Variants in GLRX5 observed in about 807,000 individuals in gnomAD.
GLRX5 encodes glutaredoxin 5, also known as glutaredoxin-related protein 5, mitochondrial.
GLRX5 carries 10 observed loss-of-function variants against 13.8 expected under a neutral mutation model. That is an observed-to-expected ratio of 0.72 (90% CI 0.45 to 1.23). GLRX5 has a LOEUF of 1.23. Ranked by LOEUF, GLRX5 falls within the 50% of genes most tolerant of loss-of-function variation. The probability of loss-of-function intolerance (pLI) is 0.00; values close to 1 mark genes in which losing one functional copy is unlikely to be tolerated. For synonymous variants in GLRX5, 98 were observed against 101.1 expected, an observed-to-expected ratio of 0.97 and a Z score of 0.18; for missense variants, 233 against 215.2, an observed-to-expected ratio of 1.08 and a Z score of -0.52.
chr14:95,535,869 G>GT (rs965645668), intron 1 of GLRX5, among the ~76,000 whole-genome samples: 2 of 152,140 alleles, frequency 1.3e-5, no homozygotes, highest in Admixed American at 1.3e-4. Flanking sequence ...GAGGGCTGAG[G>GT]TTGCCCTTGA....
chr14:95,535,471 T>C, intron 1 of GLRX5, 87 bp downstream of exon 1: 3 of 1,322,314 alleles, frequency 2.3e-6, no homozygotes, highest in Non-Finnish European at 3.1e-6. Context: ...CGCGCCGGGC[T>C]GGGGAGCGGG....
chr14:95,535,528 G>T (rs1007113028), intron 1 of GLRX5, 144 bp downstream of exon 1: 6 of 744,818 alleles, frequency 8.1e-6, no homozygotes, highest in African/African-American at 5.2e-5. Flanking sequence ...GGGTTAGGGC[G>T]AGGAGTACTG....
chr14:95,543,889 G>A (rs1027668492), intron 1 of GLRX5, 58 bp from the exon 2 acceptor site: 55 of 1,451,432 alleles, frequency 3.8e-5, no homozygotes, highest in Non-Finnish European at 5.0e-5. Context: ...TACATATTTA[G>A]TCATGAATGG....
At chr14:95,541,245 T>A (rs147758624) in intron 1 of GLRX5, among the ~76,000 whole-genome samples, 11 of 152,372 alleles carry the variant, frequency 7.2e-5, no homozygotes, top group Admixed American at 1.3e-4. Context: ...TGAGAGAGAT[T>A]AACCATGTGT....
At chr14:95,537,335 C>G (rs148282736) in intron 1 of GLRX5, among the ~76,000 whole-genome samples, 2 of 152,218 alleles carry the variant, frequency 1.3e-5, no homozygotes, top group African/African-American at 4.8e-5. Flanking sequence ...CTTAAGTTTT[C>G]AAACAGCAGC....
At chr14:95,542,951 C>T (rs1362880236) in intron 1 of GLRX5, 1 of 436,956 alleles carries the variant, frequency 2.3e-6, no homozygotes, top group African/African-American at 2.0e-5. Flanking sequence ...AGCCACATTT[C>T]TTTCTTACCA....
rs1478381989 is a variant in GLRX5 at position 95,541,156 on chromosome 14, GCT to G, written c.296-2786_296-2785del. On this transcript the variant is annotated intron_variant, in intron 1 of 1. Coordinates refer to ENST00000331334, the MANE Select transcript of GLRX5 (RefSeq NM_016417.3). ...TGTGATTTTCTAATTTTCAGGAGTA[GCT>G]CTCTGATTCTGAGTTAATTTCAAGT... Among the ~76,000 whole-genome samples the G allele has an allele frequency of 9.2e-5, 14 of 152,286 alleles. 4 individuals carry two copies. The highest frequency in any genetic ancestry group is 6.5e-5 in the Admixed American group (1 of 15,290).
Position 95,544,675 on chromosome 14 carries a change from G to A in GLRX5, c.*550G>A, listed in dbSNP as rs1891530954. 6.4e-6 allele frequency: 1 copy of A among 156,818 alleles called. No homozygotes were observed. Among genetic ancestry groups the A allele is most frequent in the African/African-American group, 2.4e-5 (1 of 41,496 alleles). The allele number at this position is 156,818 out of a possible 1,614,324, so 9.7% of individuals were successfully genotyped here. A position where few individuals can be genotyped will look rare whatever the true frequency, so the allele number is the denominator to read the frequency against. ...GCAGTGTTTTATGTGTGGGAAGTAA[G>A]GGTGAGTCTCATATTCTTCTATTAA... On this transcript the variant is annotated 3_prime_UTR_variant, in exon 2 of 2. Coordinates refer to ENST00000331334, the MANE Select transcript of GLRX5 (RefSeq NM_016417.3).
intron 1 of GLRX5, among the ~76,000 whole-genome samples, chr14:95,538,960 C>G (rs1307866442): frequency 6.6e-6 from 1 of 152,214 alleles, no homozygotes; most frequent in African/African-American, 2.4e-5. Context: ...CATGGGTCCC[C>G]AACCCCCAGG....
intron 1 of GLRX5, among the ~76,000 whole-genome samples, chr14:95,540,610 G>A (rs946366896): frequency 1.3e-5 from 2 of 152,050 alleles, no homozygotes; most frequent in Non-Finnish European, 2.9e-5. Flanking sequence ...ATCTTATCTC[G>A]ACTTAACGCC....
chr14:95,539,627 G>A (rs1891438006), intron 1 of GLRX5, among the ~76,000 whole-genome samples: 1 of 152,110 alleles, frequency 6.6e-6, no homozygotes, highest in South Asian at 2.1e-4. Context: ...CACCTCTGGT[G>A]AGGGACTCAG....
Position 95,535,243 on chromosome 14 carries a change from G to T in GLRX5, c.154G>T (p.Asp52Tyr). 1 of 1,568,970 alleles carries T rather than the reference G, an allele frequency of 6.4e-7. No individual in the cohort carries two copies. The highest frequency in any genetic ancestry group is 8.6e-7 in the Non-Finnish European group (1 of 1,159,106). ...AEQLDALVKK[D>Y]KVVVFLKGTP... ...GCAGTTGGACGCGCTGGTGAAGAAGGACAAGGTGGTGGTCTTCCTCAAGGG... is the reference window on the plus strand; with the variant it reads ...GCAGTTGGACGCGCTGGTGAAGAAGTACAAGGTGGTGGTCTTCCTCAAGGG... The change falls in exon 1 of 2, where the codon GAC (aspartate) becomes TAC (tyrosine). Residue 52 changes from aspartate to tyrosine, a missense_variant. Asp to Tyr is a radical substitution (Grantham distance 160). Coordinates refer to ENST00000331334, the MANE Select transcript of GLRX5 (RefSeq NM_016417.3).
At position 95,535,234 on chromosome 14, in the gene GLRX5, G is replaced by T; in HGVS notation, c.145G>T (p.Val49Leu). The stretch of plus-strand genomic sequence containing the variant: ...CTCGGCGGAGCAGTTGGACGCGCTG[G>T]TGAAGAAGGACAAGGTGGTGGTCTT... Reference protein sequence around the residue: ...GGSAEQLDALVKKDKVVVFLK... With the variant: ...GGSAEQLDALLKKDKVVVFLK... Residue 49 changes from valine (V) to leucine (L), a missense_variant, in exon 1 of 2, where the codon GTG becomes TTG. Transcript: ENST00000331334. The T allele has an allele frequency of 6.4e-7, 1 of 1,563,072 alleles. No homozygotes were observed.
rs1198565879 is a variant in GLRX5, at chr14:95,535,052, G to A, written c.-38G>A. 5 of 1,308,954 alleles carry A rather than the reference G, an allele frequency of 3.8e-6. No homozygotes were observed. The highest frequency in any genetic ancestry group is 1.6e-5 in the South Asian group (1 of 63,958). 81.1% of individuals were successfully genotyped at this position (1,308,954 alleles called of 1,614,324 possible). On this transcript the variant is annotated 5_prime_UTR_variant, in exon 1 of 2. Coordinates refer to ENST00000331334, the MANE Select transcript of GLRX5 (RefSeq NM_016417.3). The stretch of plus-strand genomic sequence containing the variant: ...GGGAGCGCTCTGGGTGGCCAGCTGT[G>A]GGCCCGGGCCGTCGTGGGCTCCGGC...
At chr14:95,543,285 C>A in intron 1 of GLRX5, 3 of 405,342 alleles carry the variant, frequency 7.4e-6, no homozygotes, top group South Asian at 1.7e-5. Context: ...TGGGAACTGA[C>A]AACCCATAGC....
chr14:95,542,187 G>C (rs1382825464), intron 1 of GLRX5, among the ~76,000 whole-genome samples: 1 of 152,194 alleles, frequency 6.6e-6, no homozygotes, highest in African/African-American at 2.4e-5. Context: ...TATGCTAGTT[G>C]TTTTTGTTGA....
chr14:95,544,233 G>A lies in GLRX5; in HGVS notation c.*108G>A. The A allele has an allele frequency of 1.2e-6, 1 of 834,266 alleles. No individual in the cohort carries two copies. Among genetic ancestry groups the A allele is most frequent in the Non-Finnish European group, 2.0e-6 (1 of 498,474 alleles). The allele number at this position is 834,266 out of a possible 1,614,324, so 51.7% of individuals were successfully genotyped here. The stretch of plus-strand genomic sequence containing the variant: ...TTCACTATTGAGACCGCAACTGCTT[G>A]CACTGATCATTTTGGTTCGTGAGCA... On this transcript the variant is annotated 3_prime_UTR_variant, in exon 2 of 2. Transcript: ENST00000331334.
intron 1 of GLRX5, among the ~76,000 whole-genome samples, chr14:95,540,156 G>T (rs1170960387): frequency 6.6e-6 from 1 of 152,186 alleles, no homozygotes; most frequent in Non-Finnish European, 1.5e-5. Flanking sequence ...CTCCCAAAGT[G>T]CTGGGATTAC....
intron 1 of GLRX5, among the ~76,000 whole-genome samples, chr14:95,536,361 G>A (rs1356957278): frequency 1.3e-5 from 2 of 152,218 alleles, no homozygotes; most frequent in Non-Finnish European, 2.9e-5. Context: ...CTTCTAGAGA[G>A]TGACTTAGGA....
Sources: allele counts gnomAD v4.1 joint callset (sites outside exome capture counted in the v4.1 genomes callset), GRCh38; gene constraint gnomAD v4.1.1; transcripts MANE v1.5; gene names NCBI Gene and HGNC (gene_info 2026-07-23, HGNC 2026-07-21).